Variants in OTUD7A observed in about 807,000 individuals in gnomAD.
The protein encoded by OTUD7A is OTU domain-containing protein 7A.
OTUD7A carries 12 observed loss-of-function variants against 65.7 expected under a neutral mutation model. That is an observed-to-expected ratio of 0.18 (90% CI 0.12 to 0.30). The LOEUF (loss-of-function observed/expected upper bound fraction) is 0.30, where lower values mean the gene tolerates loss of function less well. Among genes scored for constraint, OTUD7A ranks in the 10% least tolerant of loss-of-function variants. The pLI is 1.00. For synonymous variants in OTUD7A, 641 were observed against 586.3 expected (o/e 1.09, Z -1.35); for missense variants, 1,148 against 1,304.8 (o/e 0.88, Z 1.85).
chr15:31,841,857 T>C (rs1897190205), intron 1 of OTUD7A, among the ~76,000 whole-genome samples: 2 of 152,172 alleles, frequency 1.3e-5, no homozygotes, highest in East Asian at 1.9e-4. Flanking sequence ...AAGACCTGCA[T>C]ACCTGCCACC....
chr15:31,559,379 A>G (rs998741170), intron 4 of OTUD7A, among the ~76,000 whole-genome samples, 192 bp from the exon 5 acceptor site: 1 of 152,140 alleles, frequency 6.6e-6, no homozygotes, highest in African/African-American at 2.4e-5. Context: ...CACACCATAC[A>G]TGTTCACACA....
At chr15:31,718,204 A>G (rs1893643828) in intron 1 of OTUD7A, among the ~76,000 whole-genome samples, 1 of 152,134 alleles carries the variant, frequency 6.6e-6, no homozygotes, top group African/African-American at 2.4e-5. Flanking sequence ...CCCACCCCTA[A>G]ATAGTTACTA....
intron 1 of OTUD7A, among the ~76,000 whole-genome samples, chr15:31,730,491 C>CT (rs1894009505): frequency 1.3e-5 from 2 of 152,196 alleles, no homozygotes; most frequent in South Asian, 2.1e-4. Flanking sequence ...ATGAGTTTGG[C>CT]TCTGAAATGT....
chr15:31,590,434 T>C (rs1286871362), intron 3 of OTUD7A, among the ~76,000 whole-genome samples: 1 of 152,218 alleles, frequency 6.6e-6, no homozygotes, highest in East Asian at 1.9e-4. Flanking sequence ...GTGCATAGTG[T>C]AATTTGGTGT....
chr15:31,765,722 A>G (rs996538029), intron 1 of OTUD7A: 12 of 1,033,532 alleles, frequency 1.2e-5, no homozygotes, highest in Non-Finnish European at 1.6e-5. Flanking sequence ...TTCCACAAGT[A>G]TTACATACTT....
At chr15:31,657,524 AT>A (rs11394976) in intron 1 of OTUD7A, among the ~76,000 whole-genome samples, 3 of 146,826 alleles carry the variant, frequency 2.0e-5, no homozygotes, top group African/African-American at 5.0e-5. Context: ...TGCCCAGCTA[AT>A]TTTTTTTTTG....
At chr15:31,854,207 C>T (rs1435870241) in intron 1 of OTUD7A, among the ~76,000 whole-genome samples, 1 of 152,170 alleles carries the variant, frequency 6.6e-6, no homozygotes, top group Admixed American at 6.5e-5. Flanking sequence ...CATTCTTTGG[C>T]TTATGGACCC....
At chr15:31,867,730 T>C (rs1022389653) in intron 1 of OTUD7A, among the ~76,000 whole-genome samples, 1 of 152,180 alleles carries the variant, frequency 6.6e-6, no homozygotes, top group African/African-American at 2.4e-5. Flanking sequence ...GAGAAGGCAC[T>C]CAATCCTGAG....
chr15:31,536,816 G>C (rs564148475), intron 5 of OTUD7A, among the ~76,000 whole-genome samples: 1 of 152,312 alleles, frequency 6.6e-6, no homozygotes, highest in African/African-American at 2.4e-5. Flanking sequence ...AGAGTGCAAA[G>C]ACAGATACCA....
At chr15:31,524,834 C>T (rs993732976) in intron 8 of OTUD7A, among the ~76,000 whole-genome samples, 1 of 152,182 alleles carries the variant, frequency 6.6e-6, no homozygotes, top group African/African-American at 2.4e-5. Flanking sequence ...CACTCAGACT[C>T]TGTGGGAGAT....
intron 1 of OTUD7A, among the ~76,000 whole-genome samples, chr15:31,789,952 AG>A (rs1363642240): frequency 1.3e-5 from 2 of 152,168 alleles, no homozygotes; most frequent in African/African-American, 4.8e-5. Context: ...ACTGTTATGC[AG>A]TTAGAGGTAC....
At chr15:31,772,665 G>A (rs997549724) in intron 1 of OTUD7A, among the ~76,000 whole-genome samples, 5 of 152,184 alleles carry the variant, frequency 3.3e-5, no homozygotes, top group African/African-American at 1.2e-4. Context: ...GTGCAGCAAA[G>A]TTGGGGAACT....
chr15:31,812,867 C>T (rs1187799785), intron 1 of OTUD7A, among the ~76,000 whole-genome samples: 3 of 152,208 alleles, frequency 2.0e-5, no homozygotes. Context: ...GACCCTTGAT[C>T]TTAACATGCA....
At chr15:31,774,571 ATGT>A (rs939112517) in intron 1 of OTUD7A, among the ~76,000 whole-genome samples, 86 of 152,304 alleles carry the variant, frequency 5.6e-4, no homozygotes, top group African/African-American at 2.0e-3. Flanking sequence ...TAATGAGGAC[ATGT>A]TAGTATCAGG....
intron 8 of OTUD7A, among the ~76,000 whole-genome samples, chr15:31,522,433 G>T (rs1173664396): frequency 6.6e-6 from 1 of 152,132 alleles, no homozygotes; most frequent in Non-Finnish European, 1.5e-5. Flanking sequence ...GCTTTCCTGG[G>T]TCTCCAGCTG....
intron 1 of OTUD7A, among the ~76,000 whole-genome samples, chr15:31,828,374 A>G (rs1391210873): frequency 2.6e-5 from 4 of 152,096 alleles, no homozygotes; most frequent in African/African-American, 9.7e-5. Context: ...GTGCAATGTA[A>G]TGTTTCAATA....
chr15:31,674,495 C>G (rs35670136), intron 1 of OTUD7A, among the ~76,000 whole-genome samples: 1 of 152,158 alleles, frequency 6.6e-6, no homozygotes, highest in Non-Finnish European at 1.5e-5. Context: ...CACTGCATAC[C>G]CTTGCACCTA....
chr15:31,841,659 ACTC>A (rs1274369188), intron 1 of OTUD7A, among the ~76,000 whole-genome samples: 1 of 151,950 alleles, frequency 6.6e-6, no homozygotes, highest in African/African-American at 2.4e-5. Context: ...CAAGACCAGT[ACTC>A]CTCTCTCAGA....
chr15:31,694,810 G>A (rs1893037107), intron 1 of OTUD7A, among the ~76,000 whole-genome samples: 1 of 151,918 alleles, frequency 6.6e-6, no homozygotes, highest in African/African-American at 2.4e-5. Flanking sequence ...TTTTATCACT[G>A]AATATTATCC....
Sources: gnomAD v4.1 joint callset for allele counts (sites outside exome capture counted in the v4.1 genomes callset) on GRCh38, gnomAD v4.1.1 for gene constraint, MANE v1.5 for transcripts, NCBI Gene and HGNC (gene_info 2026-07-23, HGNC 2026-07-21) for gene names.